Variants in SLC9A9 observed in about 807,000 individuals in gnomAD.
The protein encoded by SLC9A9 is solute carrier family 9 member A9, also known as sodium/hydrogen exchanger 9.
In SLC9A9, 62 loss-of-function variants were observed where a neutral mutation model predicts 77.8. That is an observed-to-expected ratio of 0.80 (90% CI 0.65 to 0.98). The LOEUF (loss-of-function observed/expected upper bound fraction) is 0.98. Ranked by LOEUF, SLC9A9 falls within the 50% of genes least tolerant of loss-of-function variation. SLC9A9 has a pLI of 0.00. For synonymous variants in SLC9A9, 320 were observed against 283.5 expected, an observed-to-expected ratio of 1.13 and a Z score of -1.29; for missense variants, 775 against 774.9, an observed-to-expected ratio of 1.00 and a Z score of 0.00.
intron 4 of SLC9A9, among the ~76,000 whole-genome samples, chr3:143,753,191 T>C (rs2006805314): frequency 6.6e-6 from 1 of 152,224 alleles, no homozygotes; most frequent in African/African-American, 2.4e-5. Flanking sequence ...CTCCAGGCTG[T>C]AGCTCTGCCT....
intron 9 of SLC9A9, 135 bp downstream of exon 9, chr3:143,552,227 T>C (rs1404552549): frequency 1.6e-6 from 1 of 641,000 alleles, no homozygotes; most frequent in African/African-American, 1.8e-5. Context: ...TCTATAAATA[T>C]CCAACTCGTA....
chr3:143,392,260 A>T (rs919591825), intron 12 of SLC9A9, among the ~76,000 whole-genome samples: 4 of 152,214 alleles, frequency 2.6e-5, no homozygotes, highest in Non-Finnish European at 1.5e-5. Context: ...GTTTCAGCAG[A>T]AACTCTACAA....
At chr3:143,452,081 G>A (rs1172610467) in intron 12 of SLC9A9, among the ~76,000 whole-genome samples, 1 of 152,068 alleles carries the variant, frequency 6.6e-6, no homozygotes, top group Non-Finnish European at 1.5e-5. Context: ...CGAATCAGAT[G>A]ATGATTATTG....
intron 9 of SLC9A9, among the ~76,000 whole-genome samples, chr3:143,551,311 T>C (rs1048582649): frequency 6.6e-6 from 1 of 152,214 alleles, no homozygotes; most frequent in Admixed American, 6.5e-5. Context: ...ATTCCCGTTA[T>C]GTAAGCCACT....
At chr3:143,302,802 G>T (rs1376769067) in intron 14 of SLC9A9, among the ~76,000 whole-genome samples, 1 of 152,192 alleles carries the variant, frequency 6.6e-6, no homozygotes, top group Non-Finnish European at 1.5e-5. Context: ...AAGCCAGATG[G>T]GTACAAGTGA....
intron 14 of SLC9A9, among the ~76,000 whole-genome samples, chr3:143,329,414 T>C (rs1005724635): frequency 5.3e-5 from 8 of 152,210 alleles, no homozygotes; most frequent in African/African-American, 1.9e-4. Flanking sequence ...CTCCTTTGCA[T>C]TGGCAGCATC....
intron 11 of SLC9A9, among the ~76,000 whole-genome samples, chr3:143,472,460 C>T (rs759773327): frequency 2.0e-4 from 30 of 152,116 alleles, no homozygotes; most frequent in Non-Finnish European, 4.1e-4. Context: ...TAAATTTTCT[C>T]AGTTCTTTTC....
chr3:143,569,733 T>C (rs1008730579), intron 8 of SLC9A9, among the ~76,000 whole-genome samples: 7 of 152,054 alleles, frequency 4.6e-5, no homozygotes, highest in African/African-American at 1.4e-4. Context: ...CAGAACATAG[T>C]TAAAAGGTAC....
intron 11 of SLC9A9, among the ~76,000 whole-genome samples, chr3:143,469,158 TCAAACAAA>T (rs140705518): frequency 2.2e-4 from 33 of 152,058 alleles, no homozygotes; most frequent in Middle Eastern, 3.4e-3. Context: ...AGACTTCATC[TCAAACAAA>T]CAAACAAACA....
At chr3:143,545,105 T>G (rs1461385179) in intron 9 of SLC9A9, among the ~76,000 whole-genome samples, 1 of 152,242 alleles carries the variant, frequency 6.6e-6, no homozygotes, top group East Asian at 1.9e-4. Context: ...GGTAACTTCA[T>G]GCCTCCAGCT....
chr3:143,655,542 G>C, intron 5 of SLC9A9: 18 of 985,252 alleles, frequency 1.8e-5, no homozygotes, highest in Non-Finnish European at 2.2e-5. Flanking sequence ...TTCACTTGTG[G>C]CTTGGAGTTC....
chr3:143,495,009 G>A (rs1226082138), intron 10 of SLC9A9, among the ~76,000 whole-genome samples: 22 of 152,092 alleles, frequency 1.4e-4, no homozygotes, highest in Non-Finnish European at 1.5e-5. Flanking sequence ...TCTCTATAAA[G>A]AATACACAGA....
At chr3:143,624,946 T>C (rs375827651) in intron 6 of SLC9A9, among the ~76,000 whole-genome samples, 1 of 151,954 alleles carries the variant, frequency 6.6e-6, no homozygotes, top group East Asian at 1.9e-4. Context: ...GTGCAAAAAT[T>C]ACAAGCATTC....
chr3:143,536,963 G>C (rs948969801), intron 9 of SLC9A9, among the ~76,000 whole-genome samples: 1 of 152,036 alleles, frequency 6.6e-6, no homozygotes, highest in South Asian at 2.1e-4. Context: ...CCTGCCAATT[G>C]CATCAGAATC....
intron 14 of SLC9A9, among the ~76,000 whole-genome samples, chr3:143,325,841 C>A (rs980399965): frequency 6.6e-5 from 10 of 152,160 alleles, no homozygotes; most frequent in African/African-American, 2.2e-4. Flanking sequence ...CAGCTCAGGG[C>A]AAACAGAGGA....
intron 4 of SLC9A9, among the ~76,000 whole-genome samples, chr3:143,779,368 GT>G (rs1295815551): frequency 1.3e-5 from 2 of 151,876 alleles, no homozygotes; most frequent in African/African-American, 4.8e-5. Context: ...AGTTTTTTGG[GT>G]TTTTTGTTTG....
intron 14 of SLC9A9, among the ~76,000 whole-genome samples, chr3:143,324,475 A>G (rs980092837): frequency 8.5e-5 from 13 of 152,204 alleles, no homozygotes; most frequent in Admixed American, 8.5e-4. Context: ...TGAGAATGAT[A>G]GTAAATGGAA....
intron 14 of SLC9A9, among the ~76,000 whole-genome samples, chr3:143,328,776 T>G (rs2031679592): frequency 6.6e-6 from 1 of 152,224 alleles, no homozygotes; most frequent in Non-Finnish European, 1.5e-5. Context: ...TAGCTTGATT[T>G]TTCCCCCTAA....
intron 5 of SLC9A9, among the ~76,000 whole-genome samples, chr3:143,657,445 C>T (rs2038909937): frequency 1.3e-5 from 2 of 152,132 alleles, no homozygotes; most frequent in Admixed American, 1.3e-4. Context: ...GCTCTTATGC[C>T]CCAGAGCAAT....
Sources: allele counts gnomAD v4.1 joint callset (sites outside exome capture counted in the v4.1 genomes callset), GRCh38; gene constraint gnomAD v4.1.1; transcripts MANE v1.5; gene names NCBI Gene and HGNC (gene_info 2026-07-23, HGNC 2026-07-21).